LAMA5: variants seen among roughly 807,000 people sequenced by gnomAD.
LAMA5 encodes the protein laminin subunit alpha 5.
In LAMA5, 260 loss-of-function variants were observed where a neutral mutation model predicts 433.4. That is an observed-to-expected ratio of 0.60 (90% CI 0.54 to 0.66). LAMA5 has a LOEUF of 0.66. LAMA5 is among the 30% of genes least tolerant of loss of function. The pLI is 0.00. For synonymous variants in LAMA5, 2,620 were observed against 2,226.6 expected (o/e 1.18, Z -4.97); for missense variants, 5,378 against 5,258.5 (o/e 1.02, Z -0.70).
At chr20:62,364,613 A>C (rs1442198791) in intron 1 of LAMA5, among the ~76,000 whole-genome samples, 1 of 152,108 alleles carries the variant, frequency 6.6e-6, no homozygotes, top group Non-Finnish European at 1.5e-5. Flanking sequence ...GCCGATAAGG[A>C]CTTCCCCTTC....
intron 2 of LAMA5, among the ~76,000 whole-genome samples, chr20:62,355,753 CCT>C (rs10528616): frequency 0.037 from 5,704 of 152,180 alleles, 301 homozygotes; most frequent in African/African-American, 0.12. Flanking sequence ...TCAGCAGCCC[CCT>C]GTGGGCCTGA....
chr20:62,335,953 G>T, intron 18 of LAMA5, among the ~76,000 whole-genome samples: 1 of 132,444 alleles, frequency 7.6e-6, no homozygotes, highest in South Asian at 2.5e-4. Flanking sequence ...CACACTCATG[G>T]GTGCCATCCC....
rs536213464 is a variant in LAMA5, at chr20:62,320,898, C to T, written c.6497-8G>A. ...CCACACAGTGGTCACACACTGCAGGCGATGTGGGGTCACAGGTCAGTGTCA... is the reference window on the plus strand; with the variant it reads ...CCACACAGTGGTCACACACTGCAGGTGATGTGGGGTCACAGGTCAGTGTCA... On this transcript the variant is annotated splice_region_variant and splice_polypyrimidine_tract_variant and intron_variant, in intron 48 of 79. Transcript: ENST00000252999. 61 of 1,601,368 alleles carry T rather than the reference C, an allele frequency of 3.8e-5. No individual in the cohort carries two copies. Among genetic ancestry groups the T allele is most frequent in the Admixed American group, 1.0e-4 (6 of 58,182 alleles).
At chr20:62,317,967 A>C (rs1335111453) in intron 53 of LAMA5, among the ~76,000 whole-genome samples, 189 bp from the exon 54 acceptor site, 1 of 19,542 alleles carries the variant, frequency 5.1e-5, no homozygotes, top group Non-Finnish European at 1.0e-4. Flanking sequence ...GTAGAGAGAA[A>C]AGTGGGGAAG....
chr20:62,330,553 C>T lies in LAMA5; in HGVS notation c.3914G>A (p.Gly1305Asp). 1 of 1,588,588 alleles carries T rather than the reference C, an allele frequency of 6.3e-7. No individual in the cohort carries two copies. The highest frequency in any genetic ancestry group is 1.2e-5 in the South Asian group (1 of 86,806). ...TLGRYAFLLH[G>D]YQPAHPTFPV... ...GAAGGTGGGGTGGGCTGGCTGGTAG[C>T]CGTGCAGCAGGAAGGCATAGCGGCC... The change falls in exon 31 of 80, where the codon GGC becomes GAC. Residue 1305 changes from glycine to aspartate, a missense_variant. Physicochemically the swap from Gly to Asp is moderately conservative, Grantham distance 94. Transcript: ENST00000252999.
In LAMA5 at chr20:62,317,033, A is replaced by G; in HGVS notation, c.7512-10T>C. ...GACGTCCAGGATGATGCTGCAGCGG[A>G]AGGGAGGGTCGAAGGAGTGGGTAAG... is the stretch of plus-strand genomic sequence containing the variant. On this transcript the variant is annotated splice_polypyrimidine_tract_variant and intron_variant, in intron 55 of 79. Coordinates refer to ENST00000252999, the MANE Select transcript of LAMA5 (RefSeq NM_005560.6). 3 of 1,518,584 alleles carry G rather than the reference A, an allele frequency of 2.0e-6. No individual in the cohort carries two copies. The highest frequency in any genetic ancestry group is 1.8e-6 in the Non-Finnish European group (2 of 1,131,832). The allele number at this position is 1,518,584 out of a possible 1,614,324, so 94.1% of individuals were successfully genotyped here.
chr20:62,317,594 C>A, intron 54 of LAMA5, 68 bp downstream of exon 54: 1 of 1,518,634 alleles, frequency 6.6e-7, no homozygotes, highest in Non-Finnish European at 8.9e-7. Flanking sequence ...GCACACAAAG[C>A]TGCCCACGGG....
chr20:62,350,989 T>C (rs1984198320), intron 6 of LAMA5: 3 of 152,916 alleles, frequency 2.0e-5, no homozygotes, highest in Admixed American at 6.5e-5. Context: ...CGGCCCTACC[T>C]TACTGAGGAC....
rs779582264 is a variant in LAMA5 at position 62,334,165 on chromosome 20, G to A, written c.2739+21C>T. On this transcript the variant is annotated intron_variant, in intron 22 of 79. Transcript: ENST00000252999. ...GGCTCCACTTCTAGGCTGAGCCTGG[G>A]AGGGGGAGCACAGCGCCCACCTGGA... 10 of 1,606,888 alleles carry A rather than the reference G, an allele frequency of 6.2e-6. No homozygotes were observed. In the East Asian group the frequency reaches 1.3e-4, roughly 22 times the overall value.
intron 40 of LAMA5, among the ~76,000 whole-genome samples, chr20:62,325,956 C>T (rs1199506524): frequency 1.3e-5 from 2 of 152,162 alleles, no homozygotes; most frequent in Non-Finnish European, 2.9e-5. Context: ...TGTGGTGGCT[C>T]ATGCCTGTAA....
chr20:62,337,567 C>T (rs1187045542), intron 16 of LAMA5, 23 bp downstream of exon 16: 2 of 1,581,364 alleles, frequency 1.3e-6, no homozygotes, highest in South Asian at 1.1e-5. Context: ...GCACCTGGTG[C>T]ACACAGCCAC....
intron 41 of LAMA5, 174 bp downstream of exon 41, chr20:62,325,141 AG>A: frequency 1.7e-6 from 1 of 573,626 alleles, no homozygotes; most frequent in East Asian, 2.9e-5. Flanking sequence ...GACAGGCAGC[AG>A]GGGACAGGCA....
chr20:62,353,522 T>C (rs1984695832), intron 2 of LAMA5, among the ~76,000 whole-genome samples: 1 of 152,162 alleles, frequency 6.6e-6, no homozygotes, highest in African/African-American at 2.4e-5. Context: ...TCCCCTTCCC[T>C]GCCGCAGGAG....
chr20:62,316,498 C>A (rs1008956304), intron 57 of LAMA5, among the ~76,000 whole-genome samples, 173 bp downstream of exon 57: 1 of 152,134 alleles, frequency 6.6e-6, no homozygotes, highest in Non-Finnish European at 1.5e-5. Context: ...CCCTGCAGGG[C>A]TCCCCGGGGC....
chr20:62,352,456 T>C (rs1366340606), intron 3 of LAMA5, 96 bp from the exon 4 acceptor site: 6 of 896,294 alleles, frequency 6.7e-6, no homozygotes, highest in Non-Finnish European at 8.7e-6. Flanking sequence ...GCCTTGCCAC[T>C]GAGGCTCCCA....
intron 34 of LAMA5, 28 bp from the exon 35 acceptor site, chr20:62,328,473 C>A (rs953918481): frequency 1.4e-6 from 2 of 1,461,760 alleles, no homozygotes; most frequent in Admixed American, 2.6e-5. Flanking sequence ...GGTTTACTGA[C>A]CCCTCTTCCC....
chr20:62,338,368 G>A lies in LAMA5; in HGVS notation c.1620C>T (p.Pro540=), dbSNP rs1225527729. 1 of 1,607,804 alleles carries A rather than the reference G, an allele frequency of 6.2e-7. No homozygotes were observed. The highest frequency in any genetic ancestry group is 1.7e-5 in the Admixed American group (1 of 59,598). The change falls in exon 13 of 80, where the codon CCC becomes CCT. Residue 540 remains proline, a splice_region_variant and synonymous_variant. Coordinates refer to ENST00000252999, the MANE Select transcript of LAMA5 (RefSeq NM_005560.6). The part of the protein sequence containing the change: ...APGFYGPGCQ[P]CQCSSPGVAD... Reference sequence around the variant, plus strand: ...CCACTCCAGGGCTGGAACACTGGCAGGCTGCAGGAAAGGGTGGCCCACATG... The same window carrying A: ...CCACTCCAGGGCTGGAACACTGGCAAGCTGCAGGAAAGGGTGGCCCACATG...
chr20:62,317,838 A>T, intron 53 of LAMA5, 60 bp from the exon 54 acceptor site: 2 of 616,908 alleles, frequency 3.2e-6, no homozygotes, highest in Non-Finnish European at 4.6e-6. Context: ...AAAGGATGTG[A>T]TGGGGTGGAC....
At chr20:62,338,184 G>A in intron 13 of LAMA5, 34 bp from the exon 14 acceptor site, 2 of 1,569,166 alleles carry the variant, frequency 1.3e-6, no homozygotes, top group Non-Finnish European at 1.7e-6. Context: ...GGTAGGCCAG[G>A]CCCACGGGCC....
Sources: allele counts gnomAD v4.1 joint callset (sites outside exome capture counted in the v4.1 genomes callset), GRCh38; gene constraint gnomAD v4.1.1; transcripts MANE v1.5; gene names NCBI Gene and HGNC (gene_info 2026-07-23, HGNC 2026-07-21).